C2CD3: variants seen among roughly 807,000 people sequenced by gnomAD.
C2CD3 encodes C2 domain-containing protein 3.
C2CD3 carries 148 observed loss-of-function variants against 234.0 expected under a neutral mutation model. The ratio of observed to expected loss-of-function variants is 0.63; its 90% CI spans 0.55 to 0.72. The LOEUF is 0.72. C2CD3 is among the 30% of genes least tolerant of loss of function. The pLI, the probability that C2CD3 is intolerant of heterozygous loss-of-function variation, is 0.00. For synonymous variants in C2CD3, 1,000 were observed against 1,035.4 expected, an observed-to-expected ratio of 0.97 and a Z score of 0.66; for missense variants, 2,577 against 2,811.5, an observed-to-expected ratio of 0.92 and a Z score of 1.89.
intron 2 of C2CD3, chr11:74,164,200 A>G (rs760525618): frequency 5.3e-5 from 51 of 963,860 alleles, no homozygotes; most frequent in Non-Finnish European, 5.9e-5. Context: ...GTCCAGCACT[A>G]TTCCTACTCC....
At chr11:74,080,964 T>C (rs886693622) in intron 22 of C2CD3, among the ~76,000 whole-genome samples, 5 of 152,174 alleles carry the variant, frequency 3.3e-5, no homozygotes, top group African/African-American at 9.7e-5. Context: ...CATATCAACT[T>C]GTGCAGACTT....
chr11:74,076,788 T>C (rs1483195303), intron 23 of C2CD3, among the ~76,000 whole-genome samples: 1 of 152,208 alleles, frequency 6.6e-6, no homozygotes, highest in Non-Finnish European at 1.5e-5. Context: ...TTTCCTTGAC[T>C]TATACCTACA....
At position 74,094,496 on chromosome 11, in the gene C2CD3, G is replaced by A. The variant is rs147062406; in HGVS notation, c.3161-497C>T. 2.2e-3 allele frequency among the ~76,000 whole-genome samples: 337 copies of A among 152,190 alleles called. 1 individual carries two copies. Among genetic ancestry groups the A allele is most frequent in the African/African-American group, 7.7e-3 (319 of 41,520 alleles). ...TGGCAATCATTCTGGAACATACACC[G>A]AATGGCAAAAAGTTCGAGTCACCTG... On this transcript the variant is annotated intron_variant, in intron 17 of 32. Transcript: ENST00000334126.
At chr11:74,071,858 T>C (rs888788800) in intron 24 of C2CD3, among the ~76,000 whole-genome samples, 1 of 152,208 alleles carries the variant, frequency 6.6e-6, no homozygotes, top group South Asian at 2.1e-4. Context: ...GCTCAATAAA[T>C]TATTATAAAA....
intron 24 of C2CD3, among the ~76,000 whole-genome samples, chr11:74,059,410 CAAA>C (rs57052333): frequency 1.3e-4 from 4 of 29,960 alleles, no homozygotes; most frequent in East Asian, 9.6e-4. Context: ...GACTCTGTCT[CAAA>C]AAAAAAAAAA....
In C2CD3 at chr11:74,064,889, C is replaced by T. The variant is rs563309474; in HGVS notation, c.4952-7345G>A. Among the ~76,000 whole-genome samples the T allele has an allele frequency of 2.0e-4, 31 of 152,244 alleles. 2 individuals carry two copies. The South Asian group carries it at 6.4e-3, about 32-fold the overall frequency. ...ATATGTAGAAAGCTGAAACTGAATCCCTTTCTTACACCTTATACAAAAATT... is the reference window on the plus strand; with the variant it reads ...ATATGTAGAAAGCTGAAACTGAATCTCTTTCTTACACCTTATACAAAAATT... On this transcript the variant is annotated intron_variant, in intron 24 of 32. Coordinates refer to ENST00000334126, the MANE Select transcript of C2CD3 (RefSeq NM_001286577.2).
intron 11 of C2CD3, 104 bp downstream of exon 11, chr11:74,113,676 T>G (rs756621650): frequency 2.8e-6 from 2 of 724,584 alleles, no homozygotes; most frequent in Non-Finnish European, 4.8e-6. Context: ...TGAGACTCCA[T>G]GTCAAAAAAA....
At chr11:74,069,877 A>T (rs981939942) in intron 24 of C2CD3, among the ~76,000 whole-genome samples, 3 of 152,184 alleles carry the variant, frequency 2.0e-5, no homozygotes, top group African/African-American at 7.2e-5. Flanking sequence ...CCTCTGTGTC[A>T]CACCTGTACA....
At position 74,078,278 on chromosome 11, in the gene C2CD3, T is replaced by C; in HGVS notation, c.4440A>G (p.Ser1480=). ...SKRAEVTRGP[S]LLWYFREERL... is the part of the protein sequence containing the mutation. ...TCTCCTCCCTGAAGTACCAAAGCAGTGATGGGCCCCTGGTGACTTCTGCTC... is the reference window on the plus strand; with the variant it reads ...TCTCCTCCCTGAAGTACCAAAGCAGCGATGGGCCCCTGGTGACTTCTGCTC... The change falls in exon 23 of 33, where the codon TCA becomes TCG. Residue 1480 remains serine (S), a synonymous_variant. Coordinates refer to ENST00000334126, the MANE Select transcript of C2CD3 (RefSeq NM_001286577.2). 6.2e-7 allele frequency: 1 copy of C among 1,614,144 alleles called. No individual in the cohort carries two copies. The highest frequency in any genetic ancestry group is 8.5e-7 in the Non-Finnish European group (1 of 1,180,000).
intron 3 of C2CD3, among the ~76,000 whole-genome samples, chr11:74,150,064 G>C (rs1421466368): frequency 6.6e-6 from 1 of 151,098 alleles, no homozygotes; most frequent in Non-Finnish European, 1.5e-5. Context: ...TCTTGTTTTT[G>C]TTTTCAGTGC....
intron 32 of C2CD3, among the ~76,000 whole-genome samples, chr11:74,021,961 A>T (rs1952105045): frequency 6.6e-6 from 1 of 152,168 alleles, no homozygotes; most frequent in Non-Finnish European, 1.5e-5. Flanking sequence ...CCCCATCTCT[A>T]CTAAAAATAC....
Position 74,164,272 on chromosome 11 carries a change from G to C in C2CD3, c.326-2716C>G, listed in dbSNP as rs968890353. The C allele has an allele frequency of 4.0e-5, 38 of 960,366 alleles. No individual in the cohort carries two copies. In the African/African-American group the frequency reaches 6.6e-4, roughly 17 times the overall value. The allele number at this position is 960,366 out of a possible 1,614,324, so 59.5% of individuals were successfully genotyped here. ...CTGATCAAAGACAGGTAAAAATCAC[G>C]TAGTGTAGCCATAATTTTCTCAGTT... On this transcript the variant is annotated intron_variant, in intron 2 of 32. Transcript: ENST00000334126.
At chr11:74,154,483 G>A (rs1053974148) in intron 3 of C2CD3, among the ~76,000 whole-genome samples, 7 of 152,100 alleles carry the variant, frequency 4.6e-5, no homozygotes, top group African/African-American at 1.4e-4. Flanking sequence ...ATGAATGAAT[G>A]AATAAATACT....
intron 31 of C2CD3, among the ~76,000 whole-genome samples, chr11:74,031,283 AAGTACCTC>A (rs1358773161): frequency 2.0e-5 from 3 of 152,204 alleles, no homozygotes; most frequent in Admixed American, 1.3e-4. Flanking sequence ...AATAGAGTCC[AAGTACCTC>A]AGCCAGGTAT....
Position 74,094,549 on chromosome 11 carries a change from G to A in C2CD3, c.3161-550C>T, listed in dbSNP as rs138364279. On this transcript the variant is annotated intron_variant, in intron 17 of 32. Transcript: ENST00000334126. The stretch of plus-strand genomic sequence containing the variant: ...CTGTTTGTTCCCAGGTGAGAAAAAG[G>A]TGAGCGAGTTTGACTTCTTGTTTCA... Among the ~76,000 whole-genome samples, 4 of 152,214 alleles carry A rather than the reference G, an allele frequency of 2.6e-5. No individual in the cohort carries two copies. In the East Asian group the frequency reaches 7.7e-4, roughly 29 times the overall value.
At chr11:74,018,345 C>T (rs921251760) in intron 32 of C2CD3, among the ~76,000 whole-genome samples, 17 of 152,276 alleles carry the variant, frequency 1.1e-4, no homozygotes, top group African/African-American at 3.6e-4. Context: ...ACAGGATCTC[C>T]TGTACTGAGG....
chr11:74,041,257 T>TA (rs1345671534), intron 29 of C2CD3, among the ~76,000 whole-genome samples: 1 of 152,204 alleles, frequency 6.6e-6, no homozygotes, highest in Non-Finnish European at 1.5e-5. Flanking sequence ...ATGTGACTCT[T>TA]AAAAAATTCA....
At chr11:74,069,123 C>T (rs188250312) in intron 24 of C2CD3, among the ~76,000 whole-genome samples, 1 of 152,298 alleles carries the variant, frequency 6.6e-6, no homozygotes, top group Admixed American at 6.5e-5. Context: ...TTTAAAGCTG[C>T]TATTTGCTAA....
Position 74,109,037 on chromosome 11 carries a change from T to C in C2CD3, c.1959A>G (p.Lys653=). 1.3e-6 allele frequency: 2 copies of C among 1,562,140 alleles called. No individual in the cohort carries two copies. Among genetic ancestry groups the C allele is most frequent in the Non-Finnish European group, 1.8e-6 (2 of 1,134,934 alleles). Residue 653 remains lysine, a synonymous_variant, in exon 12 of 33, where the codon AAA becomes AAG. Coordinates refer to ENST00000334126, the MANE Select transcript of C2CD3 (RefSeq NM_001286577.2). The stretch of plus-strand genomic sequence containing the variant: ...AGGCCAAAATCACTCAAAGTACCTT[T>C]TTCTGTGGAGTTTTCTTTACATAAA... ...FQIYVKKTPQ[K]KPEVIGSVSL...
Sources: allele counts gnomAD v4.1 joint callset (sites outside exome capture counted in the v4.1 genomes callset), GRCh38; gene constraint gnomAD v4.1.1; transcripts MANE v1.5; gene names NCBI Gene and HGNC (gene_info 2026-07-23, HGNC 2026-07-21).